SPSB3: variants seen among roughly 807,000 people sequenced by gnomAD.
SPSB3 encodes SPRY domain-containing SOCS box protein 3.
A neutral mutation model predicts 29.5 loss-of-function variants in SPSB3; 18 were observed. That is an observed-to-expected ratio of 0.61 (90% confidence interval 0.42 to 0.91). The LOEUF is 0.91. SPSB3 is among the 40% of genes least tolerant of loss of function. SPSB3 has a pLI of 0.00. For missense variants in SPSB3, 540 were observed against 507.5 expected (o/e 1.06, Z -0.61); for synonymous variants, 299 against 214.1 (o/e 1.40, Z -3.46).
At chr16:1,781,025 G>T in intron 2 of SPSB3, 2 of 597,112 alleles carry the variant, frequency 3.3e-6, no homozygotes, top group Non-Finnish European at 5.3e-6. Flanking sequence ...GAGCCACAGT[G>T]CCCAGCCCCG....
At chr16:1,782,306 G>C (rs1031034374) in intron 1 of SPSB3, 196 bp downstream of exon 1, 1 of 151,822 alleles carries the variant, frequency 6.6e-6, no homozygotes, top group African/African-American at 2.4e-5. Flanking sequence ...CGCCCTCCCC[G>C]GCGGCAGCCC....
In SPSB3 at chr16:1,777,280, C is replaced by T. The variant is rs762283747; in HGVS notation, c.885G>A (p.Thr295=). 7 of 1,610,278 alleles carry T rather than the reference C, an allele frequency of 4.3e-6. No homozygotes were observed. Among genetic ancestry groups the T allele is most frequent in the African/African-American group, 4.0e-5 (3 of 74,934 alleles). The change falls in exon 7 of 7, where the codon ACG becomes ACA. Residue 295 remains threonine (T), a synonymous_variant. Coordinates refer to ENST00000566339, the MANE Select transcript of SPSB3 (RefSeq NM_080861.4). ...LRQLRPDSGD[T]LEGLPLPPGL... is the part of the protein sequence containing the mutation. Reference sequence around the variant, plus strand: ...CCGGCGGCAGCGGCAGACCCTCCAGCGTGTCTCCCGAGTCTGGCCGCAGCT... The same window carrying T: ...CCGGCGGCAGCGGCAGACCCTCCAGTGTGTCTCCCGAGTCTGGCCGCAGCT...
intron 6 of SPSB3, 94 bp from the exon 7 acceptor site, chr16:1,777,537 G>T: frequency 7.3e-7 from 1 of 1,378,910 alleles, no homozygotes; most frequent in Non-Finnish European, 9.6e-7. Context: ...CACCCGGGTG[G>T]GCAGCTGGCA....
At chr16:1,778,842 C>T in intron 2 of SPSB3, 1 of 457,372 alleles carries the variant, frequency 2.2e-6, no homozygotes, top group African/African-American at 2.0e-5. Flanking sequence ...AGCCACAGAG[C>T]AGTAGCCAAG....
At position 1,778,482 on chromosome 16, in the gene SPSB3, T is replaced by G. The variant is rs2042747800; in HGVS notation, c.257A>C (p.His86Pro). 1 of 1,611,646 alleles carries G rather than the reference T, an allele frequency of 6.2e-7. No homozygotes were observed. Among genetic ancestry groups the G allele is most frequent in the Non-Finnish European group, 8.5e-7 (1 of 1,179,522 alleles). ...QSEASFCSSLHSAHRGRDCRC... is the reference protein window; with the variant it reads ...QSEASFCSSLPSAHRGRDCRC... Reference sequence around the variant, plus strand: ...GCAGTCCCTGCCCCGGTGGGCCGAGTGCAGGCTGCTACAGAAGGAGGCCTC... The same window carrying G: ...GCAGTCCCTGCCCCGGTGGGCCGAGGGCAGGCTGCTACAGAAGGAGGCCTC... The change falls in exon 3 of 7, where the codon CAC becomes CCC. Residue 86 changes from histidine to proline, a missense_variant. By Grantham distance (77) the His-to-Pro change is moderately conservative (BLOSUM62 -2). Transcript: ENST00000566339.
chr16:1,781,893 C>T (rs1206011039), intron 1 of SPSB3: 8 of 223,144 alleles, frequency 3.6e-5, no homozygotes, highest in Admixed American at 5.2e-5. Flanking sequence ...TGACCGCTCC[C>T]CGACACCTTC....
intron 1 of SPSB3, chr16:1,781,728 C>A: frequency 5.5e-6 from 3 of 546,906 alleles, no homozygotes; most frequent in Admixed American, 6.6e-5. Context: ...CTCCGGAATG[C>A]GAATCCCAGC....
chr16:1,777,015 G>A lies in SPSB3; in HGVS notation c.*82C>T, dbSNP rs760792167. 63 of 1,488,534 alleles carry A rather than the reference G, an allele frequency of 4.2e-5. No individual in the cohort carries two copies. Among genetic ancestry groups the A allele is most frequent in the Non-Finnish European group, 5.4e-5 (59 of 1,098,428 alleles). The allele number at this position is 1,488,534 out of a possible 1,614,324, so 92.2% of individuals were successfully genotyped here. A position where few individuals can be genotyped will look rare whatever the true frequency, so the allele number is the denominator to read the frequency against. On this transcript the variant is annotated 3_prime_UTR_variant, in exon 7 of 7. Transcript: ENST00000566339. The stretch of plus-strand genomic sequence containing the variant: ...TCATCCAACTCCGCCCTGGAGTGTG[G>A]CTGGAAGGAAGGGACAGAGAAAGAA...
chr16:1,779,002 C>T (rs1266456426), intron 2 of SPSB3: 6 of 186,818 alleles, frequency 3.2e-5, no homozygotes, highest in Non-Finnish European at 4.4e-5. Flanking sequence ...CCAGGCCCAG[C>T]TGCAGCCACC....
chr16:1,778,489 T>C lies in SPSB3; in HGVS notation c.250A>G (p.Ser84Gly), dbSNP rs1473338346. The change falls in exon 3 of 7, where the codon AGC becomes GGC. Residue 84 changes from serine to glycine, a missense_variant. Physicochemically the swap from Ser to Gly is moderately conservative, Grantham distance 56. Coordinates refer to ENST00000566339, the MANE Select transcript of SPSB3 (RefSeq NM_080861.4). Reference sequence around the variant, plus strand: ...CTGCCCCGGTGGGCCGAGTGCAGGCTGCTACAGAAGGAGGCCTCGCTCTGC... The same window carrying C: ...CTGCCCCGGTGGGCCGAGTGCAGGCCGCTACAGAAGGAGGCCTCGCTCTGC... ...AGQSEASFCS[S>G]LHSAHRGRDC... 6 of 1,611,838 alleles carry C rather than the reference T, an allele frequency of 3.7e-6. No homozygotes were observed. The highest frequency in any genetic ancestry group is 4.2e-6 in the Non-Finnish European group (5 of 1,179,612).
Position 1,777,213 on chromosome 16 carries a change from T to G in SPSB3, c.952A>C (p.Ser318Arg), listed in dbSNP as rs767835647. 6.6e-5 allele frequency: 107 copies of G among 1,610,670 alleles called. 1 individual carries two copies. The South Asian group carries it at 9.8e-4, about 15-fold the overall frequency. ...GCCTTGCGGCGGCTGCAACTCATGCTCAGGACCCAGCCCAGCTTGTTGTGT... is the reference window on the plus strand; with the variant it reads ...GCCTTGCGGCGGCTGCAACTCATGCGCAGGACCCAGCCCAGCTTGTTGTGT... ...VLHNKLGWVL[S>R]MSCSRRKAPV... is the part of the protein sequence containing the mutation. The change falls in exon 7 of 7, where the codon AGC becomes CGC. Residue 318 changes from serine to arginine, a missense_variant. Transcript: ENST00000566339.
chr16:1,777,948 G>A lies in SPSB3; in HGVS notation c.593C>T (p.Thr198Met), dbSNP rs924607619. The change falls in exon 5 of 7, where the codon ACG (threonine) becomes ATG (methionine). Residue 198 changes from threonine to methionine, a missense_variant and splice_region_variant. Thr to Met is a moderately conservative substitution (Grantham distance 81). Transcript: ENST00000566339. ...GCCCCACCCTGGGCCTCACGCACCC[G>A]TGTAGGAGAGGCCCCAGCTGTCCTC... The part of the protein sequence containing the change: ...RDEDSWGLSY[T>M]GLLHHKGDKT... 5.6e-6 allele frequency: 9 copies of A among 1,612,520 alleles called. No individual in the cohort carries two copies. The highest frequency in any genetic ancestry group is 2.7e-5 in the African/African-American group (2 of 74,882).
intron 2 of SPSB3, chr16:1,778,926 G>A: frequency 3.6e-6 from 1 of 281,434 alleles, no homozygotes; most frequent in Non-Finnish European, 6.6e-6. Context: ...GAGCTGAGAT[G>A]GTGTGGACAC....
chr16:1,776,816 G>A lies in SPSB3; in HGVS notation c.*281C>T, dbSNP rs2042719878. ...GCAAGTTAGGAAAAACCGAGGCCCTGTGGGAACAGCAACGCGGGCTCCAGC... is the reference window on the plus strand; with the variant it reads ...GCAAGTTAGGAAAAACCGAGGCCCTATGGGAACAGCAACGCGGGCTCCAGC... On this transcript the variant is annotated 3_prime_UTR_variant, in exon 7 of 7. Coordinates refer to ENST00000566339, the MANE Select transcript of SPSB3 (RefSeq NM_080861.4). The A allele has an allele frequency of 3.9e-6, 2 of 514,582 alleles. No individual in the cohort carries two copies. Among genetic ancestry groups the A allele is most frequent in the African/African-American group, 1.9e-5 (1 of 51,988 alleles). The allele number at this position is 514,582 out of a possible 1,614,324, so 31.9% of individuals were successfully genotyped here.
chr16:1,778,350 C>A (rs1326135960), intron 3 of SPSB3, 29 bp from the exon 4 acceptor site: 2 of 1,610,946 alleles, frequency 1.2e-6, no homozygotes, highest in Non-Finnish European at 1.7e-6. Context: ...CTGGGGCAGC[C>A]CTGAGAGCTC....
chr16:1,782,162 G>T (rs1896743307), intron 1 of SPSB3: 1 of 152,422 alleles, frequency 6.6e-6, no homozygotes, highest in Non-Finnish European at 1.5e-5. Flanking sequence ...TTCCAGGGCC[G>T]ACCCCTGCGC....
In SPSB3 at chr16:1,777,053, A is replaced by G. The variant is rs34342557; in HGVS notation, c.*44T>C. 6.4e-7 allele frequency: 1 copy of G among 1,570,440 alleles called. No homozygotes were observed. The highest frequency in any genetic ancestry group is 8.7e-7 in the Non-Finnish European group (1 of 1,150,480). On this transcript the variant is annotated 3_prime_UTR_variant, in exon 7 of 7. Coordinates refer to ENST00000566339, the MANE Select transcript of SPSB3 (RefSeq NM_080861.4). ...GACAGAGAAAGAAGGGACAGAGGAA[A>G]GGGGCTGTCCCAGCCCAAGAAGGCA...
In SPSB3 at chr16:1,778,019, G is replaced by A; in HGVS notation, c.522C>T (p.Asp174=). 1 of 1,613,234 alleles carries A rather than the reference G, an allele frequency of 6.2e-7. No individual in the cohort carries two copies. Among genetic ancestry groups the A allele is most frequent in the Non-Finnish European group, 8.5e-7 (1 of 1,179,992 alleles). The part of the protein sequence containing the change: ...MMVGIGTSDV[D]LDKYRHTFCS... Reference sequence around the variant, plus strand: ...AGAACGTGTGGCGGTATTTGTCCAGGTCCACATCCGACGTCCCGATGCCCA... The same window carrying A: ...AGAACGTGTGGCGGTATTTGTCCAGATCCACATCCGACGTCCCGATGCCCA... Residue 174 remains aspartate, a synonymous_variant, in exon 5 of 7, where the codon GAC becomes GAT. Transcript: ENST00000566339.
chr16:1,777,408 A>G lies in SPSB3; in HGVS notation c.757T>C (p.Tyr253His). 6.4e-7 allele frequency: 1 copy of G among 1,569,822 alleles called. No individual in the cohort carries two copies. The highest frequency in any genetic ancestry group is 1.1e-5 in the South Asian group (1 of 87,226). The part of the protein sequence containing the change: ...AATKLQNKRF[Y>H]PMVCSTAARS... ...GCCGCCGTGGAGCACACCATCGGGT[A>G]GAATCTCTTGTTCTGCAGCTTGGTG... The change falls in exon 7 of 7, where the codon TAC (tyrosine) becomes CAC (histidine). Residue 253 changes from tyrosine (Y) to histidine (H), a missense_variant. Tyr to His is a moderately conservative substitution (Grantham distance 83). Transcript: ENST00000566339.
Sources: gnomAD v4.1 joint callset for allele counts on GRCh38, gnomAD v4.1.1 for gene constraint, MANE v1.5 for transcripts, NCBI Gene and HGNC (gene_info 2026-07-23, HGNC 2026-07-21) for gene names.